Variants in EMC1 observed in about 807,000 individuals in gnomAD.
EMC1 encodes KIAA0090.
In EMC1, 103 loss-of-function variants were observed where a neutral mutation model predicts 128.8. The observed-to-expected ratio is 0.80, with a 90% CI of 0.68 to 0.94. The LOEUF (loss-of-function observed/expected upper bound fraction) is 0.94. EMC1 is among the 40% of genes least tolerant of loss of function. EMC1 has a pLI of 0.00. For missense variants in EMC1, 1,083 were observed against 1,250.6 expected, an observed-to-expected ratio of 0.87 and a Z score of 2.02; for synonymous variants, 442 against 490.4, an observed-to-expected ratio of 0.90 and a Z score of 1.30.
At chr1:19,224,629 A>G (rs2093457955) in intron 18 of EMC1, among the ~76,000 whole-genome samples, 1 of 152,076 alleles carries the variant, frequency 6.6e-6, no homozygotes, top group African/African-American at 2.4e-5. Flanking sequence ...GGATGACCCC[A>G]CAGCCTAAAT....
chr1:19,232,719 T>G lies in EMC1; in HGVS notation c.1687A>C (p.Asn563His), dbSNP rs2151949443. ...TTAAAGGAGGAGTCTGGCTTGACAT[T>G]GGGTAGATACTGTTTCCACAGGATG... ...GTILWKQYLP[N>H]VKPDSSFKLM... The change falls in exon 15 of 23, where the codon AAT (asparagine) becomes CAT (histidine). Residue 563 changes from asparagine to histidine, a missense_variant. This residue lies in a region of EMC1 where 527 missense variants were observed against 644.1 expected (regional missense o/e 0.82). Transcript: ENST00000477853. The G allele has an allele frequency of 6.2e-7, 1 of 1,614,096 alleles. No individual in the cohort carries two copies. The highest frequency in any genetic ancestry group is 8.5e-7 in the Non-Finnish European group (1 of 1,180,006).
chr1:19,239,960 C>A lies in EMC1; in HGVS notation c.812G>T (p.Gly271Val), dbSNP rs199938439. 1 of 1,612,598 alleles carries A rather than the reference C, an allele frequency of 6.2e-7. No individual in the cohort carries two copies. The highest frequency in any genetic ancestry group is 1.7e-5 in the Admixed American group (1 of 59,574). Residue 271 changes from glycine to valine, a missense_variant, in exon 8 of 23, where the codon GGA becomes GTA. Gly to Val is a moderately radical substitution (Grantham distance 109, BLOSUM62 -3). This residue lies in a region of EMC1 where 544 missense variants were observed against 572.4 expected (regional missense o/e 0.95). Coordinates refer to ENST00000477853, the MANE Select transcript of EMC1 (RefSeq NM_015047.3). Reference sequence around the variant, plus strand: ...GGTAGGCAGGACCCGGGGTTGGAATCCACTTCCAAATTCTAAGTCGAGAGA... The same window carrying A: ...GGTAGGCAGGACCCGGGGTTGGAATACACTTCCAAATTCTAAGTCGAGAGA... ...LQSLDLEFGS[G>V]FQPRVLPTQP...
chr1:19,225,849 ATAATAATG>A (rs2093469196), intron 18 of EMC1, among the ~76,000 whole-genome samples: 1 of 152,040 alleles, frequency 6.6e-6, no homozygotes, highest in African/African-American at 2.4e-5. Flanking sequence ...AATAGCACTA[ATAATAATG>A]TTAAGTATGT....
chr1:19,233,005 G>A lies in EMC1; in HGVS notation c.1563C>T (p.Asn521=). The change falls in exon 14 of 23, where the codon AAC becomes AAT. Residue 521 remains asparagine (N), a synonymous_variant. Transcript: ENST00000477853. The part of the protein sequence containing the change: ...KPRSQIKNEI[N]IDTLARDEFN... ...ATTCATCTCTGGCCAGGGTGTCAAT[G>A]TTGATCTCATTCTTAATCTGACTCC... 1.2e-6 allele frequency: 2 copies of A among 1,614,176 alleles called. No individual in the cohort carries two copies. The highest frequency in any genetic ancestry group is 1.7e-6 in the Non-Finnish European group (2 of 1,180,024).
At chr1:19,222,932 A>G in intron 19 of EMC1, 98 bp from the exon 20 acceptor site, 2 of 844,118 alleles carry the variant, frequency 2.4e-6, no homozygotes, top group Non-Finnish European at 3.7e-6. Flanking sequence ...CTACAGATCC[A>G]TGAAGGAGAA....
chr1:19,219,728 T>A (rs1304696209), intron 21 of EMC1, 30 bp from the exon 22 acceptor site: 1 of 1,613,746 alleles, frequency 6.2e-7, no homozygotes, highest in African/African-American at 1.3e-5. Context: ...ACAGGCAGTC[T>A]GAGCACTGCT....
At chr1:19,235,647 G>A (rs1370474004) in intron 12 of EMC1, among the ~76,000 whole-genome samples, 1 of 152,138 alleles carries the variant, frequency 6.6e-6, no homozygotes, top group Non-Finnish European at 1.5e-5. Context: ...GTTGCAGTGA[G>A]CCGAGATTGT....
rs11558182 is a variant in EMC1, at chr1:19,251,449, C to G, written c.61G>C (p.Ala21Pro). ...TTGCCCACTTGGTCTTCGTAGACCGCGGCCGCAGGAATCAGCAGCGTAGCC... is the reference window on the plus strand; with the variant it reads ...TTGCCCACTTGGTCTTCGTAGACCGGGGCCGCAGGAATCAGCAGCGTAGCC... Reference protein sequence around the residue: ...LWATLLIPAAAVYEDQVGKFD... With the variant: ...LWATLLIPAAPVYEDQVGKFD... Residue 21 changes from alanine (A) to proline (P), a missense_variant, in exon 1 of 23, where the codon GCG (alanine) becomes CCG (proline). By Grantham distance (27) the Ala-to-Pro change is conservative. Transcript: ENST00000477853. 1.9e-6 allele frequency: 3 copies of G among 1,614,158 alleles called. No individual in the cohort carries two copies. The highest frequency in any genetic ancestry group is 1.7e-5 in the Admixed American group (1 of 60,038).
At position 19,216,162 on chromosome 1, in the gene EMC1, A is replaced by G. The variant is rs1470540431; in HGVS notation, c.*3141T>C. 1.3e-5 allele frequency: 2 copies of G among 148,794 alleles called. No homozygotes were observed. The highest frequency in any genetic ancestry group is 3.0e-5 in the Non-Finnish European group (2 of 67,726). The allele number at this position is 148,794 out of a possible 1,614,324, so 9.2% of individuals were successfully genotyped here. A position where few individuals can be genotyped will look rare whatever the true frequency, so the allele number is the denominator to read the frequency against. Reference sequence around the variant, plus strand: ...TAAGGAGGGAGGATCACTTCAGCCCAGGTGTTCGAGGCTGCAGTGAGCTAT... The same window carrying G: ...TAAGGAGGGAGGATCACTTCAGCCCGGGTGTTCGAGGCTGCAGTGAGCTAT... On this transcript the variant is annotated 3_prime_UTR_variant, in exon 23 of 23. Coordinates refer to ENST00000477853, the MANE Select transcript of EMC1 (RefSeq NM_015047.3).
At position 19,218,881 on chromosome 1, in the gene EMC1, A is replaced by G. The variant is rs1327632074; in HGVS notation, c.*422T>C. On this transcript the variant is annotated 3_prime_UTR_variant, in exon 23 of 23. Transcript: ENST00000477853. ...AGAGTTCCCCTCTTACTTTGAAGCA[A>G]GAGATGGAAAAAGTCAGAAAGATTT... The G allele has an allele frequency of 5.9e-6, 1 of 168,736 alleles. No individual in the cohort carries two copies. The highest frequency in any genetic ancestry group is 1.3e-5 in the Non-Finnish European group (1 of 77,286). 10.5% of individuals were successfully genotyped at this position (168,736 alleles called of 1,614,324 possible). A position where few individuals can be genotyped will look rare whatever the true frequency, so the allele number is the denominator to read the frequency against.
intron 20 of EMC1, 31 bp from the exon 21 acceptor site, chr1:19,220,879 A>C: frequency 6.6e-7 from 1 of 1,512,138 alleles, no homozygotes; most frequent in Non-Finnish European, 9.1e-7. Context: ...GTTCACACCG[A>C]TCCAGTGTCC....
At chr1:19,239,726 C>T in intron 8 of EMC1, 92 bp downstream of exon 8, 1 of 1,380,184 alleles carries the variant, frequency 7.2e-7, no homozygotes, top group Non-Finnish European at 1.0e-6. Context: ...GGCCTAAGAG[C>T]AAACGTTTCC....
intron 18 of EMC1, among the ~76,000 whole-genome samples, chr1:19,224,856 G>C (rs1055880478): frequency 6.6e-6 from 1 of 152,066 alleles, no homozygotes; most frequent in Non-Finnish European, 1.5e-5. Flanking sequence ...CTAGTTACCT[G>C]GTCTTCTTTG....
Position 19,251,396 on chromosome 1 carries a change from A to G in EMC1, c.95+19T>C, listed in dbSNP as rs2093658688. On this transcript the variant is annotated intron_variant, in intron 1 of 22. Coordinates refer to ENST00000477853, the MANE Select transcript of EMC1 (RefSeq NM_015047.3). ...GGAAACAGCCACTTATCTCTCGAAT[A>G]TGTTCCACACGTACGCACCAATCAA... The G allele has an allele frequency of 1.2e-5, 20 of 1,609,718 alleles. No individual in the cohort carries two copies. Among genetic ancestry groups the G allele is most frequent in the Non-Finnish European group, 1.6e-5 (19 of 1,175,982 alleles).
At chr1:19,249,755 T>C (rs1352892608) in intron 1 of EMC1, among the ~76,000 whole-genome samples, 1 of 151,230 alleles carries the variant, frequency 6.6e-6, no homozygotes, top group African/African-American at 2.4e-5. Flanking sequence ...CAAAACCCCG[T>C]CTCTACAAAA....
At position 19,241,170 on chromosome 1, in the gene EMC1, G is replaced by A. The variant is rs377046035; in HGVS notation, c.510-28C>T. 116 of 1,613,496 alleles carry A rather than the reference G, an allele frequency of 7.2e-5. No homozygotes were observed. The African/African-American group carries it at 7.7e-4, about 11-fold the overall frequency. On this transcript the variant is annotated intron_variant, in intron 5 of 22. Transcript: ENST00000477853. ...AAGAGAGGGAAGAAGAAACCGCAGC[G>A]TCAGCTTTCAACCCAGGACAGGATT...
intron 9 of EMC1, 152 bp from the exon 10 acceptor site, chr1:19,239,009 C>T (rs1558107628): frequency 1.4e-6 from 1 of 727,148 alleles, no homozygotes; most frequent in Middle Eastern, 2.4e-4. Context: ...CCCTTAATAG[C>T]CCCATATGAA....
At chr1:19,227,130 T>G (rs1483025575) in intron 18 of EMC1, among the ~76,000 whole-genome samples, 183 bp downstream of exon 18, 1 of 152,174 alleles carries the variant, frequency 6.6e-6, no homozygotes. Context: ...TCCCATGTGA[T>G]CATCACAACA....
chr1:19,234,822 G>A (rs1430627639), intron 13 of EMC1, among the ~76,000 whole-genome samples: 1 of 151,926 alleles, frequency 6.6e-6, no homozygotes, highest in Non-Finnish European at 1.5e-5. Flanking sequence ...CTCCAGCCTG[G>A]GTGACAGAGC....
Sources: gnomAD v4.1 joint callset for allele counts (sites outside exome capture counted in the v4.1 genomes callset) on GRCh38, gnomAD v4.1.1 for gene constraint, gnomAD v4.1.1 regional missense constraint, MANE v1.5 for transcripts, NCBI Gene and HGNC (gene_info 2026-07-23, HGNC 2026-07-21) for gene names.